B3GNT3: variants seen among roughly 807,000 people sequenced by gnomAD.
B3GNT3 encodes the protein N-acetyllactosaminide beta-1,3-N-acetylglucosaminyltransferase 3.
B3GNT3 carries 7 observed loss-of-function variants against 11.6 expected under a neutral mutation model. That is an observed-to-expected ratio of 0.60 (90% CI 0.34 to 1.13). The LOEUF (loss-of-function observed/expected upper bound fraction) is 1.13, where lower values mean the gene tolerates loss of function less well. B3GNT3 is among the 50% of genes most tolerant of loss of function. The pLI is 0.03. For synonymous variants in B3GNT3, 201 were observed against 222.1 expected, an observed-to-expected ratio of 0.90 and a Z score of 0.85; for missense variants, 400 against 507.4, an observed-to-expected ratio of 0.79 and a Z score of 2.03.
Position 17,811,476 on chromosome 19 carries a change from C to T in B3GNT3, c.568-95C>T. On this transcript the variant is annotated intron_variant, in intron 2 of 2. Transcript: ENST00000318683. The surrounding 1 kb of genome is among the most constrained non-coding windows in gnomAD (Gnocchi z 4.1). Reference sequence around the variant, plus strand: ...ACCCAGGCTGGATTGTGGACACTTCCTTTCCTGGGCTTAGTGGGCTGGAGT... The same window carrying T: ...ACCCAGGCTGGATTGTGGACACTTCTTTTCCTGGGCTTAGTGGGCTGGAGT... The T allele has an allele frequency of 7.6e-7, 1 of 1,308,454 alleles. No homozygotes were observed. The highest frequency in any genetic ancestry group is 1.5e-5 in the South Asian group (1 of 66,122). 81.1% of individuals were successfully genotyped at this position (1,308,454 alleles called of 1,614,324 possible). A position where few individuals can be genotyped will look rare whatever the true frequency, so the allele number is the denominator to read the frequency against.
At chr19:17,799,347 T>C (rs2547450) in intron 1 of B3GNT3, among the ~76,000 whole-genome samples, 1 of 150,048 alleles carries the variant, frequency 6.7e-6, no homozygotes, top group South Asian at 2.1e-4. Flanking sequence ...CGGCTCCCTG[T>C]AACCTCCACC....
chr19:17,807,813 G>C lies in B3GNT3; in HGVS notation c.6G>C (p.Lys2Asn), dbSNP rs966347686. The C allele has an allele frequency of 8.7e-6, 14 of 1,606,100 alleles. No homozygotes were observed. In the Admixed American group the frequency reaches 1.7e-4, roughly 19 times the overall value. Residue 2 changes from lysine to asparagine, a missense_variant, in exon 2 of 3, where the codon AAG (lysine) becomes AAC (asparagine). Physicochemically the swap from Lys to Asn is moderately conservative, Grantham distance 94. Transcript: ENST00000318683. Reference protein sequence around the residue: MKYLRHRRPNAT... With the variant: MNYLRHRRPNAT... ...CCAGACCCTGGCTGGCCAGGATGAA[G>C]TATCTCCGGCACCGGCGGCCCAATG... is the stretch of plus-strand genomic sequence containing the variant.
intron 1 of B3GNT3, among the ~76,000 whole-genome samples, chr19:17,796,127 A>G (rs1274296915): frequency 1.3e-5 from 2 of 152,044 alleles, no homozygotes; most frequent in Admixed American, 6.6e-5. Flanking sequence ...TCACTTTGTC[A>G]CCCAGGCTGG....
rs1226212253 is a variant in B3GNT3, at chr19:17,811,453, C to T, written c.568-118C>T. On this transcript the variant is annotated intron_variant, in intron 2 of 2. Transcript: ENST00000318683. The surrounding 1 kb of genome is among the most constrained non-coding windows in gnomAD (Gnocchi z 4.1). ...TAACCCCACAGGGCAGGGCCTTAAC[C>T]CAGGCTGGATTGTGGACACTTCCTT... is the stretch of plus-strand genomic sequence containing the variant. 3.7e-5 allele frequency: 41 copies of T among 1,095,546 alleles called. No individual in the cohort carries two copies. The highest frequency in any genetic ancestry group is 5.2e-5 in the Non-Finnish European group (41 of 782,240). The allele number at this position is 1,095,546 out of a possible 1,614,324, so 67.9% of individuals were successfully genotyped here.
intron 2 of B3GNT3, among the ~76,000 whole-genome samples, chr19:17,810,608 A>G (rs1463059984): frequency 1.3e-5 from 2 of 151,760 alleles, no homozygotes; most frequent in Non-Finnish European, 2.9e-5. Context: ...CAGGTCAGGC[A>G]CGGTGGCTCA....
At chr19:17,801,401 C>A (rs2094166017) in intron 1 of B3GNT3, among the ~76,000 whole-genome samples, 1 of 151,834 alleles carries the variant, frequency 6.6e-6, no homozygotes, top group African/African-American at 2.4e-5. Flanking sequence ...CCATCTTGCC[C>A]AAACTCTTGG....
intron 1 of B3GNT3, among the ~76,000 whole-genome samples, chr19:17,801,863 G>A (rs762396894): frequency 2.6e-5 from 4 of 152,212 alleles, no homozygotes; most frequent in East Asian, 3.9e-4. Context: ...TGAGGTGGGC[G>A]GATCACTTGA....
rs150138576 is a variant in B3GNT3, at chr19:17,803,915, G to A, written c.-50-3843G>A. Among the ~76,000 whole-genome samples, 924 of 151,938 alleles carry A rather than the reference G, an allele frequency of 6.1e-3. 4 individuals carry two copies. The highest frequency in any genetic ancestry group is 0.011 in the Non-Finnish European group (762 of 67,960). On this transcript the variant is annotated intron_variant, in intron 1 of 2. Transcript: ENST00000318683. ...GGTGGCTTATGTCTGTAATCCCAGC[G>A]CTTTGGGAAGCCAAGGCAAGAGGAT...
intron 1 of B3GNT3, among the ~76,000 whole-genome samples, chr19:17,804,532 G>GTTTT (rs1568390814): frequency 1.6e-4 from 3 of 18,790 alleles, no homozygotes; most frequent in South Asian, 1.3e-3. Context: ...ACCGTGCCCA[G>GTTTT]CTTTTTTTTT....
intron 2 of B3GNT3, among the ~76,000 whole-genome samples, chr19:17,810,223 G>T (rs1227088800): frequency 6.6e-6 from 1 of 152,094 alleles, no homozygotes; most frequent in Non-Finnish European, 1.5e-5. Flanking sequence ...AGGCACAGTG[G>T]CTCATGCCTA....
chr19:17,797,207 A>G (rs1568389063), intron 1 of B3GNT3, among the ~76,000 whole-genome samples: 1 of 152,198 alleles, frequency 6.6e-6, no homozygotes, highest in Non-Finnish European at 1.5e-5. Context: ...AGGACCTGGC[A>G]TATTGATCCT....
intron 1 of B3GNT3, among the ~76,000 whole-genome samples, chr19:17,806,113 A>T (rs1599847102): frequency 6.7e-6 from 1 of 150,246 alleles, no homozygotes; most frequent in African/African-American, 2.4e-5. Flanking sequence ...GACTACAGGC[A>T]CCCATCACCA....
chr19:17,797,489 A>G (rs1304269300), intron 1 of B3GNT3, among the ~76,000 whole-genome samples: 1 of 152,094 alleles, frequency 6.6e-6, no homozygotes, highest in Non-Finnish European at 1.5e-5. Flanking sequence ...AGTGAGCCCA[A>G]AGATGCCCTT....
At chr19:17,807,406 C>T (rs1443587687) in intron 1 of B3GNT3, among the ~76,000 whole-genome samples, 5 of 151,226 alleles carry the variant, frequency 3.3e-5, no homozygotes, top group African/African-American at 1.2e-4. Context: ...GCAGGAGGAT[C>T]GCTTGAACCC....
chr19:17,796,081 TTTTG>T (rs914193941), intron 1 of B3GNT3, among the ~76,000 whole-genome samples: 91 of 152,180 alleles, frequency 6.0e-4, no homozygotes, highest in African/African-American at 2.0e-3. Flanking sequence ...GATTTAAACT[TTTTG>T]TTTGTTTGTT....
intron 1 of B3GNT3, among the ~76,000 whole-genome samples, chr19:17,799,087 G>A (rs538299659): frequency 1.3e-4 from 20 of 152,242 alleles, no homozygotes; most frequent in Admixed American, 7.2e-4. Context: ...ACTCAAATCC[G>A]TATGTAGTCA....
intron 1 of B3GNT3, among the ~76,000 whole-genome samples, chr19:17,798,904 A>G (rs2094162537): frequency 1.3e-5 from 2 of 151,984 alleles, no homozygotes; most frequent in Non-Finnish European, 2.9e-5. Flanking sequence ...CTGGAGTTGG[A>G]GGCTGCAGTG....
At chr19:17,801,079 T>G (rs1190162285) in intron 1 of B3GNT3, among the ~76,000 whole-genome samples, 3 of 152,142 alleles carry the variant, frequency 2.0e-5, no homozygotes, top group African/African-American at 7.2e-5. Context: ...ACTTGCAACT[T>G]TTCATTATTG....
Position 17,813,343 on chromosome 19 carries a change from T to C in B3GNT3, c.*1221T>C, listed in dbSNP as rs1156552961. ...CACATGCCTGTAGTCCCAGCTATAC[T>C]TGGGAGGCTGAGGCGAGAGGATCGC... On this transcript the variant is annotated 3_prime_UTR_variant, in exon 3 of 3. Coordinates refer to ENST00000318683, the MANE Select transcript of B3GNT3 (RefSeq NM_014256.4). 6.6e-6 allele frequency among the ~76,000 whole-genome samples: 1 copy of C among 151,988 alleles called. No homozygotes were observed. The highest frequency in any genetic ancestry group is 2.4e-5 in the African/African-American group (1 of 41,390).
Sources: gnomAD v4.1 joint callset for allele counts (sites outside exome capture counted in the v4.1 genomes callset) on GRCh38, gnomAD v4.1.1 for gene constraint, Gnocchi (gnomAD v3.1) non-coding constraint, MANE v1.5 for transcripts, NCBI Gene and HGNC (gene_info 2026-07-23, HGNC 2026-07-21) for gene names.